Variants in LIPJ observed in about 807,000 individuals in gnomAD.
LIPJ encodes lipase member J.
A neutral mutation model predicts 39.8 loss-of-function variants in LIPJ; 33 were observed. The observed-to-expected ratio is 0.83, with a 90% CI of 0.63 to 1.11. LIPJ has a LOEUF of 1.11. LIPJ is among the 50% of genes least tolerant of loss of function. The pLI is 0.00. For missense variants in LIPJ, 422 were observed against 427.9 expected (o/e 0.99, Z 0.12); for synonymous variants, 128 against 139.2 (o/e 0.92, Z 0.57).
chr10:88,592,621 G>C (rs1351771010), intron 4 of LIPJ: 1 of 151,886 alleles, frequency 6.6e-6, no homozygotes, highest in Non-Finnish European at 1.5e-5. Context: ...TGAGATTAGA[G>C]AGCCAGCTTT....
At chr10:88,615,584 T>C in the LIPJ span, among the ~76,000 whole-genome samples, 2 of 132,164 alleles carry the variant, frequency 1.5e-5, no homozygotes, top group South Asian at 4.7e-4. Context: ...GCCAAGATTG[T>C]GCCACTGCAC....
At chr10:88,621,243 T>G in the LIPJ span, among the ~76,000 whole-genome samples, 2 of 152,118 alleles carry the variant, frequency 1.3e-5, no homozygotes, top group Non-Finnish European at 2.9e-5. Flanking sequence ...TTGCCAAAAC[T>G]AGGGGGTGAG....
chr10:88,620,736 T>C, the LIPJ span, among the ~76,000 whole-genome samples: 4 of 152,172 alleles, frequency 2.6e-5, no homozygotes, highest in Non-Finnish European at 5.9e-5. Context: ...AACTGTTGAG[T>C]AGTTTCTTAC....
chr10:88,591,574 T>A, intron 4 of LIPJ, 76 bp downstream of exon 4: 1 of 1,284,564 alleles, frequency 7.8e-7, no homozygotes, highest in Non-Finnish European at 1.1e-6. Flanking sequence ...ACGGAGAACA[T>A]AGGACAAGAA....
At chr10:88,616,403 T>G in the LIPJ span, among the ~76,000 whole-genome samples, 1 of 152,180 alleles carries the variant, frequency 6.6e-6, no homozygotes, top group African/African-American at 2.4e-5. Context: ...CCGACTGGAA[T>G]CTGAGCTCAG....
the LIPJ span, among the ~76,000 whole-genome samples, chr10:88,613,834 GTA>G: frequency 8.9e-5 from 12 of 134,224 alleles, no homozygotes; most frequent in Non-Finnish European, 1.3e-4. Context: ...ATATATGTGT[GTA>G]TATATATATG....
At chr10:88,583,401 T>TGGGGCTGCGGAGAACC (rs1443300951), upstream of LIPJ, 1 of 1,373,086 alleles carries the variant, frequency 7.3e-7, no homozygotes, top group African/African-American at 1.5e-5. Context: ...GGAGCAAACC[T>TGGGGCTGCGGAGAACC]GGGGCTGCGG....
the LIPJ span, among the ~76,000 whole-genome samples, chr10:88,616,854 C>G: frequency 6.6e-6 from 1 of 152,170 alleles, no homozygotes; most frequent in African/African-American, 2.4e-5. Context: ...AGGACTGAAA[C>G]CCTTCTCTGA....
upstream of LIPJ, chr10:88,583,022 A>G: frequency 6.3e-7 from 1 of 1,587,434 alleles, no homozygotes; most frequent in Non-Finnish European, 8.6e-7. Context: ...CCACCTCAGC[A>G]GCCTGCCCGG....
rs568722681 is a variant in LIPJ, at chr10:88,603,770, G to A, written c.795+1123G>A. Among the ~76,000 whole-genome samples the A allele has an allele frequency of 5.3e-5, 8 of 152,152 alleles. No homozygotes were observed. The South Asian group carries it at 1.7e-3, about 32-fold the overall frequency. ...CTTTAAAGTATTGTTAAGATATTGG[G>A]TAAGGCTTTTTCATTTACGAAAGTT... On this transcript the variant is annotated intron_variant, in intron 9 of 10. Coordinates refer to ENST00000371939, the Ensembl canonical transcript of LIPJ.
the LIPJ span, chr10:88,618,999 C>G: frequency 6.6e-6 from 1 of 151,882 alleles, no homozygotes; most frequent in African/African-American, 2.4e-5. Context: ...TTTTTGTTAA[C>G]TATGCGTACA....
At chr10:88,598,892 A>G (rs1254481200) in intron 8 of LIPJ, among the ~76,000 whole-genome samples, 1 of 148,802 alleles carries the variant, frequency 6.7e-6, no homozygotes, top group African/African-American at 2.5e-5. Flanking sequence ...TTTAATTTAT[A>G]CCTGAGTTTA....
intron 8 of LIPJ, among the ~76,000 whole-genome samples, chr10:88,598,937 T>TTTA (rs1331267143): frequency 6.1e-5 from 8 of 131,222 alleles, no homozygotes; most frequent in African/African-American, 2.4e-4. Context: ...AATAATATAA[T>TTTA]ATTTTATATT....
At chr10:88,622,176 C>G in the LIPJ span, among the ~76,000 whole-genome samples, 1 of 152,192 alleles carries the variant, frequency 6.6e-6, no homozygotes, top group Non-Finnish European at 1.5e-5. Context: ...CAATAGTTGA[C>G]TGACTGATTT....
chr10:88,589,254 T>C (rs1261999649), intron 2 of LIPJ, among the ~76,000 whole-genome samples: 1 of 151,838 alleles, frequency 6.6e-6, no homozygotes, highest in Admixed American at 6.6e-5. Context: ...CCCAAGCTAT[T>C]TCCATGTACT....
rs1423980686 is a variant in LIPJ, at chr10:88,590,789, A to C, written c.9+93A>C. On this transcript the variant is annotated intron_variant, in intron 3 of 10. Transcript: ENST00000371939. The stretch of plus-strand genomic sequence containing the variant: ...TTTAACTTAATAGATTTACAGTCAA[A>C]CGTATACATCTATATGTTAATATTT... 3.4e-6 allele frequency: 3 copies of C among 869,654 alleles called. No homozygotes were observed. The African/African-American group carries it at 5.0e-5, about 15-fold the overall frequency. 53.9% of individuals were successfully genotyped at this position (869,654 alleles called of 1,614,324 possible).
At chr10:88,591,467 T>C in exon 4 of LIPJ, 1 of 1,602,054 alleles carries the variant, frequency 6.2e-7, no homozygotes, top group Non-Finnish European at 8.5e-7. Flanking sequence ...ATAGAATTCC[T>C]TATTGGAGGA....
the LIPJ span, among the ~76,000 whole-genome samples, chr10:88,615,647 A>AC: frequency 6.6e-6 from 1 of 150,692 alleles, no homozygotes; most frequent in African/African-American, 2.4e-5. Context: ...AAAAAAAAAA[A>AC]AAAACAGAAA....
chr10:88,602,139 A>G (rs1851505380), intron 8 of LIPJ, among the ~76,000 whole-genome samples: 1 of 152,208 alleles, frequency 6.6e-6, no homozygotes, highest in Admixed American at 6.5e-5. Flanking sequence ...TCTCAGAATG[A>G]AACTTCACAT....
Sources: allele counts gnomAD v4.1 joint callset (sites outside exome capture counted in the v4.1 genomes callset), GRCh38; gene constraint gnomAD v4.1.1; transcripts MANE v1.5; gene names NCBI Gene and HGNC (gene_info 2026-07-23, HGNC 2026-07-21).